Variants in CDH12 observed in about 807,000 individuals in gnomAD.
The protein encoded by CDH12 is cadherin-12.
In CDH12, 41 loss-of-function variants were observed where a neutral mutation model predicts 74.1. The ratio of observed to expected loss-of-function variants is 0.55; its 90% CI spans 0.43 to 0.72. The LOEUF is 0.72. Ranked by LOEUF, CDH12 falls within the 30% of genes least tolerant of loss-of-function variation. CDH12 has a pLI of 0.00. For missense variants in CDH12, 945 were observed against 977.2 expected (o/e 0.97, Z 0.44); for synonymous variants, 399 against 355.0 (o/e 1.12, Z -1.39).
intron 3 of CDH12, among the ~76,000 whole-genome samples, chr5:22,359,435 C>T (rs1197407732): frequency 6.6e-6 from 1 of 152,052 alleles, no homozygotes; most frequent in Admixed American, 6.6e-5. Flanking sequence ...AAAAGCAAGT[C>T]CTTAGAGATC....
intron 1 of CDH12, among the ~76,000 whole-genome samples, chr5:22,778,844 G>GT (rs139881269): frequency 0.053 from 8,001 of 151,956 alleles, 303 homozygotes; most frequent in Middle Eastern, 0.11. Flanking sequence ...AAATCTGTGG[G>GT]TTTTTTGGTC....
At position 22,212,547 on chromosome 5, in the gene CDH12, C is replaced by A; in HGVS notation, c.-236G>T. On this transcript the variant is annotated 5_prime_UTR_variant, in exon 4 of 15. Coordinates refer to ENST00000382254, the MANE Select transcript of CDH12 (RefSeq NM_004061.5). ...CGAGGTGAGAAATCCGTCAAATCAA[C>A]CGTGAATGGGGTGGGGAGATCGAAG... 6 of 985,628 alleles carry A rather than the reference C, an allele frequency of 6.1e-6. No homozygotes were observed. Among genetic ancestry groups the A allele is most frequent in the Non-Finnish European group, 7.2e-6 (6 of 829,750 alleles). The allele number at this position is 985,628 out of a possible 1,614,324, so 61.1% of individuals were successfully genotyped here.
At chr5:22,483,492 T>A (rs1161736182) in intron 2 of CDH12, among the ~76,000 whole-genome samples, 10 of 151,372 alleles carry the variant, frequency 6.6e-5, no homozygotes, top group African/African-American at 2.4e-4. Flanking sequence ...AAGTAAAGCC[T>A]TTTAAGTGAT....
intron 3 of CDH12, among the ~76,000 whole-genome samples, chr5:22,343,307 CACACAG>C (rs1191055453): frequency 1.6e-5 from 2 of 128,928 alleles, no homozygotes; most frequent in African/African-American, 3.2e-5. Flanking sequence ...CACACACACA[CACACAG>C]ACACACACAC....
chr5:21,815,551 A>G (rs1442404619), intron 9 of CDH12, among the ~76,000 whole-genome samples: 1 of 152,182 alleles, frequency 6.6e-6, no homozygotes, highest in Non-Finnish European at 1.5e-5. Context: ...TATTTCAACT[A>G]ACTTTGCCCT....
At chr5:22,342,602 T>A (rs968976502) in intron 3 of CDH12, among the ~76,000 whole-genome samples, 3 of 129,508 alleles carry the variant, frequency 2.3e-5, no homozygotes, top group Non-Finnish European at 5.0e-5. Context: ...TTTCTCTCTT[T>A]CTTACTTTTT....
At chr5:21,880,576 C>T (rs868782083) in intron 6 of CDH12, among the ~76,000 whole-genome samples, 775 of 36,680 alleles carry the variant, frequency 0.021, 43 homozygotes, top group African/African-American at 0.065. Context: ...TCTTTCTTTC[C>T]TTCCTTCCTT....
chr5:21,862,998 C>G (rs985169973), intron 6 of CDH12, among the ~76,000 whole-genome samples: 2 of 151,992 alleles, frequency 1.3e-5, no homozygotes, highest in Admixed American at 6.6e-5. Context: ...CAAGATTGAT[C>G]CTATTACTTT....
intron 6 of CDH12, among the ~76,000 whole-genome samples, chr5:21,900,133 T>G (rs1208129756): frequency 1.3e-5 from 2 of 152,216 alleles, no homozygotes; most frequent in African/African-American, 4.8e-5. Flanking sequence ...CAATATATGC[T>G]ATTTACAAGC....
At chr5:22,377,258 A>G (rs570013608) in intron 3 of CDH12, among the ~76,000 whole-genome samples, 2 of 152,336 alleles carry the variant, frequency 1.3e-5, no homozygotes, top group Admixed American at 1.3e-4. Context: ...TCTTGTGTAG[A>G]AAAACTTACA....
chr5:22,683,921 T>C (rs900588198), intron 1 of CDH12, among the ~76,000 whole-genome samples: 1 of 152,192 alleles, frequency 6.6e-6, no homozygotes, highest in African/African-American at 2.4e-5. Context: ...GAGGAATGTA[T>C]AGAATCAAGA....
rs959051398 is a variant in CDH12, at chr5:21,809,792, G to A, written c.1002+7153C>T. 6.6e-5 allele frequency among the ~76,000 whole-genome samples: 10 copies of A among 152,174 alleles called. No individual in the cohort carries two copies. In the South Asian group the frequency reaches 2.1e-3, roughly 32 times the overall value. Reference sequence around the variant, plus strand: ...GGGAAATAAACACAGATATGGAAAAGTGCCTCCAGGGGCTTAAAATATAGT... The same window carrying A: ...GGGAAATAAACACAGATATGGAAAAATGCCTCCAGGGGCTTAAAATATAGT... On this transcript the variant is annotated intron_variant, in intron 9 of 14. Transcript: ENST00000382254.
intron 6 of CDH12, among the ~76,000 whole-genome samples, chr5:21,890,606 ATTTG>A (rs1365105550): frequency 6.6e-6 from 1 of 152,032 alleles, no homozygotes; most frequent in African/African-American, 2.4e-5. Flanking sequence ...ACATTTGTTT[ATTTG>A]CATTTGTATG....
At chr5:22,042,469 T>C (rs934861601) in intron 5 of CDH12, among the ~76,000 whole-genome samples, 14 of 151,644 alleles carry the variant, frequency 9.2e-5, no homozygotes, top group African/African-American at 3.2e-4. Context: ...ACCACAAAAG[T>C]GATACCACAG....
At chr5:21,978,282 C>T (rs891180158) in intron 5 of CDH12, among the ~76,000 whole-genome samples, 1 of 152,010 alleles carries the variant, frequency 6.6e-6, no homozygotes, top group African/African-American at 2.4e-5. Flanking sequence ...GCTGGAACTA[C>T]AAGGCGCATG....
At chr5:22,729,982 T>C (rs1308516383) in intron 1 of CDH12, among the ~76,000 whole-genome samples, 1 of 151,928 alleles carries the variant, frequency 6.6e-6, no homozygotes, top group East Asian at 1.9e-4. Context: ...ATGTAAGTTT[T>C]CAGAATGTTA....
intron 1 of CDH12, among the ~76,000 whole-genome samples, chr5:22,681,245 G>C (rs894383230): frequency 1.3e-5 from 2 of 151,450 alleles, no homozygotes; most frequent in Non-Finnish European, 2.9e-5. Context: ...GTGTGTGTGT[G>C]TGTGTGTGTG....
chr5:22,349,265 C>T (rs1001539216), intron 3 of CDH12, among the ~76,000 whole-genome samples: 1 of 152,160 alleles, frequency 6.6e-6, no homozygotes, highest in Non-Finnish European at 1.5e-5. Context: ...CCGAATAAAC[C>T]TTGACAGTCA....
chr5:21,781,760 A>G (rs1310554137), intron 11 of CDH12, among the ~76,000 whole-genome samples: 1 of 151,052 alleles, frequency 6.6e-6, no homozygotes, highest in East Asian at 1.9e-4. Flanking sequence ...GGAGCACTAT[A>G]TTGGCACTAT....
Sources: allele counts gnomAD v4.1 joint callset (sites outside exome capture counted in the v4.1 genomes callset), GRCh38; gene constraint gnomAD v4.1.1; transcripts MANE v1.5; gene names NCBI Gene and HGNC (gene_info 2026-07-23, HGNC 2026-07-21).